CDH13: variants seen among roughly 807,000 people sequenced by gnomAD.
CDH13 encodes the protein cadherin 13.
A neutral mutation model predicts 63.8 loss-of-function variants in CDH13; 24 were observed. That is an observed-to-expected ratio of 0.38 (90% confidence interval 0.27 to 0.53). The LOEUF is 0.53. Among genes scored for constraint, CDH13 ranks in the 20% least tolerant of loss-of-function variants. The pLI is 0.85. For missense variants in CDH13, 1,049 were observed against 903.1 expected (o/e 1.16, Z -2.07); for synonymous variants, 503 against 355.3 (o/e 1.42, Z -4.67).
At chr16:83,270,059 T>A (rs2088754842) in intron 5 of CDH13, among the ~76,000 whole-genome samples, 1 of 152,218 alleles carries the variant, frequency 6.6e-6, no homozygotes, top group African/African-American at 2.4e-5. Context: ...ATGTAACTGG[T>A]TTCTCTTTGG....
At chr16:83,006,803 A>G (rs951827357) in intron 2 of CDH13, among the ~76,000 whole-genome samples, 3 of 152,248 alleles carry the variant, frequency 2.0e-5, no homozygotes, top group Admixed American at 6.5e-5. Context: ...TTAGAATAGA[A>G]TAACGCCATT....
intron 1 of CDH13, among the ~76,000 whole-genome samples, chr16:82,676,959 C>T (rs887659553): frequency 2.6e-5 from 4 of 152,214 alleles, no homozygotes; most frequent in Non-Finnish European, 4.4e-5. Flanking sequence ...GCTCAGCTCG[C>T]TGCAACCTCC....
chr16:83,151,897 G>A (rs1023551204), intron 4 of CDH13, among the ~76,000 whole-genome samples: 5 of 152,026 alleles, frequency 3.3e-5, no homozygotes, highest in African/African-American at 2.4e-5. Context: ...GGAAGGTGGA[G>A]GTTGCAGTGA....
At chr16:82,649,195 G>T (rs1046344738) in intron 1 of CDH13, among the ~76,000 whole-genome samples, 4 of 152,124 alleles carry the variant, frequency 2.6e-5, no homozygotes, top group African/African-American at 9.7e-5. Context: ...TGACATAATA[G>T]AAGATTAGAG....
intron 6 of CDH13, among the ~76,000 whole-genome samples, chr16:83,372,033 T>C (rs567406265): frequency 1.3e-5 from 2 of 152,352 alleles, no homozygotes; most frequent in South Asian, 4.2e-4. Flanking sequence ...TAAGTGGGTG[T>C]TCACGAGATG....
intron 1 of CDH13, among the ~76,000 whole-genome samples, chr16:82,730,590 A>C (rs2033350819): frequency 6.6e-6 from 1 of 152,228 alleles, no homozygotes; most frequent in South Asian, 2.1e-4. Flanking sequence ...AATAATTTGA[A>C]AGTTTGAAAT....
At chr16:83,150,336 C>A (rs1474525406) in intron 4 of CDH13, among the ~76,000 whole-genome samples, 1 of 152,116 alleles carries the variant, frequency 6.6e-6, no homozygotes, top group East Asian at 1.9e-4. Flanking sequence ...TATGCCTATG[C>A]CTATATCTGT....
intron 6 of CDH13, among the ~76,000 whole-genome samples, chr16:83,436,060 A>G (rs2151489508): frequency 6.6e-6 from 1 of 152,330 alleles, no homozygotes; most frequent in Middle Eastern, 3.4e-3. Context: ...GGTCAAGGCC[A>G]GGAGTGCCGC....
intron 10 of CDH13, among the ~76,000 whole-genome samples, chr16:83,692,884 C>A (rs541886001): frequency 6.6e-6 from 1 of 152,240 alleles, no homozygotes; most frequent in East Asian, 1.9e-4. Context: ...GAGTTCAAGA[C>A]CAACCTGGCC....
chr16:83,768,761 G>C (rs899563907), intron 11 of CDH13, among the ~76,000 whole-genome samples: 3 of 151,908 alleles, frequency 2.0e-5, no homozygotes, highest in Non-Finnish European at 4.4e-5. Context: ...CTGTCATGGT[G>C]CTGGTTGGAG....
chr16:83,367,991 G>T (rs1056786879), intron 6 of CDH13, among the ~76,000 whole-genome samples: 2 of 152,026 alleles, frequency 1.3e-5, no homozygotes, highest in African/African-American at 4.8e-5. Flanking sequence ...GACAAGTCTT[G>T]CATTTATTCT....
At chr16:83,722,671 T>A (rs1214109020) in intron 10 of CDH13, among the ~76,000 whole-genome samples, 1 of 152,180 alleles carries the variant, frequency 6.6e-6, no homozygotes, top group Non-Finnish European at 1.5e-5. Flanking sequence ...TGATGTATCC[T>A]GTTGTCTGTC....
intron 4 of CDH13, among the ~76,000 whole-genome samples, chr16:83,135,669 A>C (rs2036249538): frequency 6.6e-6 from 1 of 152,238 alleles, no homozygotes; most frequent in Admixed American, 6.5e-5. Flanking sequence ...CAATCCCACT[A>C]CTGGGTATCT....
At chr16:83,245,507 C>T (rs920826043) in intron 5 of CDH13, among the ~76,000 whole-genome samples, 1 of 152,192 alleles carries the variant, frequency 6.6e-6, no homozygotes, top group Non-Finnish European at 1.5e-5. Flanking sequence ...GAAAGTAAAA[C>T]CCGAGAACTC....
chr16:82,888,258 A>G (rs1377670221), intron 2 of CDH13, among the ~76,000 whole-genome samples: 1 of 152,264 alleles, frequency 6.6e-6, no homozygotes, highest in Non-Finnish European at 1.5e-5. Flanking sequence ...GCAGGCTGCC[A>G]TTTTCATATA....
In CDH13 at chr16:83,797,726, A is replaced by G. The variant is rs1199618599; in HGVS notation, c.*2696A>G. 3.3e-5 allele frequency: 5 copies of G among 152,228 alleles called. No homozygotes were observed. Among genetic ancestry groups the G allele is most frequent in the African/African-American group, 1.2e-4 (5 of 41,460 alleles). The allele number at this position is 152,228 out of a possible 1,614,324, so 9.4% of individuals were successfully genotyped here. A position where few individuals can be genotyped will look rare whatever the true frequency, so the allele number is the denominator to read the frequency against. On this transcript the variant is annotated 3_prime_UTR_variant, in exon 14 of 14. Coordinates refer to ENST00000567109, the MANE Select transcript of CDH13 (RefSeq NM_001257.5). ...AAACGAAGTCAAGTAAGGACCAGAA[A>G]TTGCTTTTCCCAATTACTGAGCACA...
chr16:83,351,768 T>A (rs904804058), intron 6 of CDH13, among the ~76,000 whole-genome samples: 9 of 152,320 alleles, frequency 5.9e-5, no homozygotes, highest in Admixed American at 5.2e-4. Context: ...TATGCCCTGT[T>A]ATGTTTTGAT....
chr16:83,556,638 G>T (rs1267015662), intron 7 of CDH13, among the ~76,000 whole-genome samples: 1 of 152,210 alleles, frequency 6.6e-6, no homozygotes, highest in East Asian at 1.9e-4. Flanking sequence ...CCTTGTCTCA[G>T]TTTCGGTATT....
At chr16:83,293,119 C>G (rs2089503705) in intron 5 of CDH13, among the ~76,000 whole-genome samples, 3 of 152,130 alleles carry the variant, frequency 2.0e-5, no homozygotes, top group Non-Finnish European at 4.4e-5. Context: ...TTGAATTGCT[C>G]TTTCTAAAGA....
Sources: allele counts gnomAD v4.1 joint callset (sites outside exome capture counted in the v4.1 genomes callset), GRCh38; gene constraint gnomAD v4.1.1; transcripts MANE v1.5; gene names NCBI Gene and HGNC (gene_info 2026-07-23, HGNC 2026-07-21).